Variants in NEDD4L observed in about 807,000 individuals in gnomAD.
NEDD4L encodes E3 ubiquitin-protein ligase NEDD4-like.
Under a neutral mutation model 148.9 loss-of-function variants are expected in NEDD4L, and 54 were observed. The ratio of observed to expected loss-of-function variants is 0.36; its 90% CI spans 0.29 to 0.45. The LOEUF (loss-of-function observed/expected upper bound fraction) is 0.45. NEDD4L is among the 20% of genes least tolerant of loss of function. The probability of loss-of-function intolerance (pLI) is 1.00; values close to 1 mark genes in which losing one functional copy is unlikely to be tolerated. For missense variants in NEDD4L, 856 were observed against 1,233.8 expected (o/e 0.69, Z 4.59); for synonymous variants, 433 against 440.7 (o/e 0.98, Z 0.22).
intron 5 of NEDD4L, among the ~76,000 whole-genome samples, chr18:58,258,172 T>G (rs1410942917): frequency 2.6e-5 from 4 of 152,190 alleles, no homozygotes; most frequent in Non-Finnish European, 5.9e-5. Context: ...GGGAAATGGC[T>G]AAGTGCTTTG....
intron 1 of NEDD4L, among the ~76,000 whole-genome samples, chr18:58,095,013 G>C (rs950824123): frequency 6.6e-6 from 1 of 152,058 alleles, no homozygotes; most frequent in Non-Finnish European, 1.5e-5. Context: ...CACATTAGAC[G>C]ATCTAGATAT....
chr18:58,279,038 A>AT lies in NEDD4L; in HGVS notation c.297+26997dup, dbSNP rs962386225. On this transcript the variant is annotated intron_variant, in intron 5 of 30. Transcript: ENST00000400345. ...AGGCATGTGCCACCACATCCAGCTA[A>AT]TTTTTTTTTTTTTATTATAGTAGAG... is the stretch of plus-strand genomic sequence containing the variant. Among the ~76,000 whole-genome samples the AT allele has an allele frequency of 9.7e-3, 1,422 of 145,918 alleles. 10 individuals are homozygous for AT. Among genetic ancestry groups the AT allele is most frequent in the Non-Finnish European group, 0.014 (897 of 65,852 alleles).
At chr18:58,309,039 C>G (rs1362979339) in intron 5 of NEDD4L, among the ~76,000 whole-genome samples, 2 of 152,236 alleles carry the variant, frequency 1.3e-5, no homozygotes, top group Non-Finnish European at 2.9e-5. Flanking sequence ...AGTCAGCTCT[C>G]CTGCTCAGGC....
intron 5 of NEDD4L, among the ~76,000 whole-genome samples, chr18:58,290,818 C>A (rs961116304): frequency 6.6e-6 from 1 of 152,004 alleles, no homozygotes; most frequent in African/African-American, 2.4e-5. Flanking sequence ...AAAGTTAGCA[C>A]CCTATTTTTC....
chr18:58,254,615 TTTG>T (rs2048297351), intron 5 of NEDD4L, among the ~76,000 whole-genome samples: 1 of 152,064 alleles, frequency 6.6e-6, no homozygotes, highest in Non-Finnish European at 1.5e-5. Context: ...CCTTTTGTTT[TTTG>T]TTGTTTGTTT....
intron 1 of NEDD4L, among the ~76,000 whole-genome samples, chr18:58,123,810 C>G (rs571520393): frequency 6.6e-6 from 1 of 152,282 alleles, no homozygotes; most frequent in Admixed American, 6.5e-5. Context: ...CTCCACCTTT[C>G]CACCTGCTGC....
chr18:58,351,163 G>A, intron 18 of NEDD4L, 118 bp downstream of exon 18: 1 of 1,518,608 alleles, frequency 6.6e-7, no homozygotes. Context: ...GGTGTTATGT[G>A]GAGAAAATGA....
intron 1 of NEDD4L, among the ~76,000 whole-genome samples, chr18:58,141,694 T>C (rs1384594496): frequency 6.6e-6 from 1 of 152,202 alleles, no homozygotes; most frequent in African/African-American, 2.4e-5. Flanking sequence ...ATGTGACTAG[T>C]GTTAAGAATG....
intron 5 of NEDD4L, among the ~76,000 whole-genome samples, chr18:58,287,695 G>A (rs1280973477): frequency 6.6e-6 from 1 of 151,964 alleles, no homozygotes; most frequent in African/African-American, 2.4e-5. Flanking sequence ...CTTATGTATC[G>A]TATTTTTTCA....
intron 1 of NEDD4L, among the ~76,000 whole-genome samples, chr18:58,144,587 G>C (rs567297403): frequency 2.0e-5 from 3 of 152,190 alleles, no homozygotes; most frequent in African/African-American, 7.2e-5. Context: ...AGAGTTCAGA[G>C]AGTAGGACAT....
At chr18:58,385,402 C>T (rs2048879203) in intron 25 of NEDD4L, 124 bp from the exon 26 acceptor site, 1 of 806,214 alleles carries the variant, frequency 1.2e-6, no homozygotes, top group Admixed American at 1.8e-5. Context: ...AGTGGGGGCA[C>T]AGAGGAGACC....
At chr18:58,367,315 T>TAGATCTCGG in intron 21 of NEDD4L, 4 of 164,262 alleles carry the variant, frequency 2.4e-5, no homozygotes, top group South Asian at 1.7e-4. Flanking sequence ...AGACCAAGGG[T>TAGATCTCGG]TGGGCCCATA....
chr18:58,183,937 A>G (rs756782315), intron 2 of NEDD4L, among the ~76,000 whole-genome samples: 10 of 152,212 alleles, frequency 6.6e-5, no homozygotes, highest in Non-Finnish European at 1.2e-4. Context: ...TGGGAGGCCA[A>G]GGCGGGCGGA....
chr18:58,382,662 T>A (rs2048498811), intron 24 of NEDD4L, among the ~76,000 whole-genome samples: 1 of 152,178 alleles, frequency 6.6e-6, no homozygotes, highest in African/African-American at 2.4e-5. Context: ...GCTTTTTTCA[T>A]GATCATGGGT....
chr18:58,248,949 ATTGTT>A lies in NEDD4L; in HGVS notation c.243+14_243+18del. The A allele has an allele frequency of 7.1e-7, 1 of 1,418,384 alleles. No individual in the cohort carries two copies. Among genetic ancestry groups the A allele is most frequent in the Non-Finnish European group, 9.7e-7 (1 of 1,028,384 alleles). 87.9% of individuals were successfully genotyped at this position (1,418,384 alleles called of 1,614,324 possible). On this transcript the variant is annotated intron_variant, in intron 4 of 30. Coordinates refer to ENST00000400345, the MANE Select transcript of NEDD4L (RefSeq NM_001144967.3). ...AATTTTATTTCAGGGTAAGTTTTTC[ATTGTT>A]TGGTAATAATTGTTATTGATACGTC...
intron 2 of NEDD4L, among the ~76,000 whole-genome samples, chr18:58,177,253 T>C (rs901210823): frequency 1.4e-4 from 21 of 152,196 alleles, no homozygotes; most frequent in African/African-American, 5.1e-4. Context: ...TCCTCTGTTT[T>C]CCTTTTCTTG....
chr18:58,324,288 A>G (rs1288152853), intron 8 of NEDD4L, among the ~76,000 whole-genome samples: 2 of 152,258 alleles, frequency 1.3e-5, no homozygotes, highest in Non-Finnish European at 2.9e-5. Context: ...AGAGGATGTT[A>G]GGAAGGGAAT....
intron 28 of NEDD4L, 148 bp from the exon 29 acceptor site, chr18:58,390,498 G>A (rs2049666682): frequency 1.7e-6 from 1 of 581,748 alleles, no homozygotes; most frequent in African/African-American, 1.8e-5. Flanking sequence ...TAGTATTGTG[G>A]CCATAAAAAA....
At chr18:58,255,453 C>A (rs982788378) in intron 5 of NEDD4L, 4 of 1,199,198 alleles carry the variant, frequency 3.3e-6, no homozygotes, top group Non-Finnish European at 4.2e-6. Flanking sequence ...TGCTCTTATC[C>A]AATCATGCCT....
Sources: allele counts gnomAD v4.1 joint callset (sites outside exome capture counted in the v4.1 genomes callset), GRCh38; gene constraint gnomAD v4.1.1; transcripts MANE v1.5; gene names NCBI Gene and HGNC (gene_info 2026-07-23, HGNC 2026-07-21).